PGC: variants seen among roughly 807,000 people sequenced by gnomAD.
PGC encodes progastricsin.
In PGC, 31 loss-of-function variants were observed where a neutral mutation model predicts 45.9. The ratio of observed to expected loss-of-function variants is 0.67; its 90% CI spans 0.51 to 0.91. PGC has a LOEUF of 0.91. Among genes scored for constraint, PGC ranks in the 40% least tolerant of loss-of-function variants. The pLI, the probability that PGC is intolerant of heterozygous loss-of-function variation, is 0.00. For missense variants in PGC, 477 were observed against 493.2 expected (o/e 0.97, Z 0.31); for synonymous variants, 192 against 201.8 (o/e 0.95, Z 0.41).
At chr6:41,743,543 G>A (rs1326647636) in intron 3 of PGC, among the ~76,000 whole-genome samples, 154 bp from the exon 4 acceptor site, 1 of 152,134 alleles carries the variant, frequency 6.6e-6, no homozygotes, top group Non-Finnish European at 1.5e-5. Context: ...GGGTGGCATT[G>A]GAAGGCCCAT....
rs148214858 is a variant in PGC, at chr6:41,742,328, G to A, written c.609C>T (p.Gly203=). Residue 203 remains glycine, a synonymous_variant, in exon 5 of 9, where the codon GGC becomes GGT. Transcript: ENST00000373025. ...TTAMQGMVQE[G]ALTSPVFSVY... ...CGCTGAAGACGGGGCTGGTGAGGGC[G>A]CCCTCCTGCACCATGCCCTGCATAG... 357 of 1,614,054 alleles carry A rather than the reference G, an allele frequency of 2.2e-4. No individual in the cohort carries two copies. The highest frequency in any genetic ancestry group is 2.7e-4 in the Non-Finnish European group (323 of 1,180,016).
intron 1 of PGC, among the ~76,000 whole-genome samples, chr6:41,746,807 C>T (rs1398272093): frequency 6.6e-6 from 1 of 152,244 alleles, no homozygotes; most frequent in Non-Finnish European, 1.5e-5. Context: ...CCAGAGTTTT[C>T]TCCTGACCCC....
At position 41,737,794 on chromosome 6, in the gene PGC, G is replaced by T; in HGVS notation, c.950C>A (p.Pro317His). Residue 317 changes from proline (P) to histidine (H), a missense_variant, in exon 8 of 9, where the codon CCC becomes CAC. Physicochemically the swap from Pro to His is moderately conservative, Grantham distance 77 (BLOSUM62 -2). Transcript: ENST00000373025. ...ACCATTGATGATGAAGGTCAAGCTG[G>T]GCAGATTCTGAATGCTGTTACAGTT... ...LVNCNSIQNLPSLTFIINGVE... is the reference protein window; with the variant it reads ...LVNCNSIQNLHSLTFIINGVE... The T allele has an allele frequency of 6.2e-7, 1 of 1,612,490 alleles. No homozygotes were observed. The highest frequency in any genetic ancestry group is 1.1e-5 in the South Asian group (1 of 91,046).
intron 7 of PGC, among the ~76,000 whole-genome samples, chr6:41,739,172 C>T (rs1192487874): frequency 6.6e-6 from 1 of 152,206 alleles, no homozygotes; most frequent in Non-Finnish European, 1.5e-5. Context: ...TGCTCACATA[C>T]TCAGCCCCAC....
rs202141067 is a variant in PGC, at chr6:41,742,313, G to A, written c.624C>T (p.Pro208=). 1.5e-5 allele frequency: 24 copies of A among 1,613,874 alleles called. No homozygotes were observed. Among genetic ancestry groups the A allele is most frequent in the East Asian group, 6.7e-5 (3 of 44,894 alleles). The change falls in exon 5 of 9, where the codon CCC becomes CCT. Residue 208 remains proline, a synonymous_variant. Coordinates refer to ENST00000373025, the MANE Select transcript of PGC (RefSeq NM_002630.4). ...GMVQEGALTS[P]VFSVYLSNQQ... is the part of the protein sequence containing the mutation. ...ACTTGCTGAGGTAGACGCTGAAGAC[G>A]GGGCTGGTGAGGGCGCCCTCCTGCA... is the stretch of plus-strand genomic sequence containing the variant.
At position 41,736,858 on chromosome 6, in the gene PGC, G is replaced by A. The variant is rs1389999487; in HGVS notation, c.1161C>T (p.Ala387=). 10 of 1,614,130 alleles carry A rather than the reference G, an allele frequency of 6.2e-6. No individual in the cohort carries two copies. Among genetic ancestry groups the A allele is most frequent in the African/African-American group, 4.0e-5 (3 of 75,020 alleles). Residue 387 remains alanine (A), a synonymous_variant, in exon 9 of 9, where the codon GCC becomes GCT. Transcript: ENST00000373025. The part of the protein sequence containing the change: ...LGNNRVGFAT[A]A ...ACGTGTCGAGGCAGCAAGTCTAGGCGGCAGTGGCAAAGCCTACTCTGTTGT... is the reference window on the plus strand; with the variant it reads ...ACGTGTCGAGGCAGCAAGTCTAGGCAGCAGTGGCAAAGCCTACTCTGTTGT...
intron 7 of PGC, among the ~76,000 whole-genome samples, chr6:41,738,205 T>TATATATGCATATATATACATATATATAC (rs1561879852): frequency 2.1e-4 from 13 of 63,360 alleles, no homozygotes; most frequent in Non-Finnish European, 2.7e-4. Context: ...TATATATGCA[T>TATATATGCATATATATACATATATATAC]ATATATATGC....
Position 41,744,292 on chromosome 6 carries a change from T to G in PGC, c.328+105A>C, listed in dbSNP as rs938933646. ...ACATGTCCCTGGTCCTCCCCAGGAC[T>G]GAGCTCCCCTCAGTCCTGAGCTCCC... On this transcript the variant is annotated intron_variant, in intron 3 of 8. Transcript: ENST00000373025. This position sits in a 1 kb window ranked among gnomAD's most constrained non-coding sequence, Gnocchi z 4.4. The G allele has an allele frequency of 3.6e-5, 26 of 732,246 alleles. No homozygotes were observed. Among genetic ancestry groups the G allele is most frequent in the Admixed American group, 1.1e-4 (5 of 43,506 alleles). 45.4% of individuals were successfully genotyped at this position (732,246 alleles called of 1,614,324 possible). A position where few individuals can be genotyped will look rare whatever the true frequency, so the allele number is the denominator to read the frequency against.
At chr6:41,743,037 T>C (rs540386064) in intron 4 of PGC, among the ~76,000 whole-genome samples, 1 of 152,330 alleles carries the variant, frequency 6.6e-6, no homozygotes, top group South Asian at 2.1e-4. Context: ...CCAGGCCTTA[T>C]GCTTCTTAAG....
Position 41,740,819 on chromosome 6 carries a change from C to G in PGC, c.648-209G>C, listed in dbSNP as rs190483420. 420 of 1,429,560 alleles carry G rather than the reference C, an allele frequency of 2.9e-4. 1 individual carries two copies. In the African/African-American group the frequency reaches 3.4e-3, roughly 12 times the overall value. 88.6% of individuals were successfully genotyped at this position (1,429,560 alleles called of 1,614,324 possible). ...GAGCTCCCTGAGGATGGGGCTGTGT[C>G]CCTTAGACTGGGCCTCCCTGAGGAC... On this transcript the variant is annotated intron_variant, in intron 5 of 8. Transcript: ENST00000373025.
chr6:41,736,818 G>T lies in PGC; in HGVS notation c.*34C>A. 1 of 1,612,762 alleles carries T rather than the reference G, an allele frequency of 6.2e-7. No individual in the cohort carries two copies. The highest frequency in any genetic ancestry group is 8.5e-7 in the Non-Finnish European group (1 of 1,178,858). On this transcript the variant is annotated 3_prime_UTR_variant, in exon 9 of 9. Coordinates refer to ENST00000373025, the MANE Select transcript of PGC (RefSeq NM_002630.4). ...GCCCTAGGAGGGTGCAGGGTCAAGA[G>T]GAAGAGGGGAGCCCACGTGTCGAGG...
At chr6:41,741,803 G>C in intron 5 of PGC, 1 of 1,536,350 alleles carries the variant, frequency 6.5e-7, no homozygotes, top group Non-Finnish European at 8.7e-7. Flanking sequence ...AACCTGCTAG[G>C]GGTCAGCAGT....
chr6:41,738,535 G>A (rs1771759582), intron 7 of PGC, among the ~76,000 whole-genome samples: 1 of 151,450 alleles, frequency 6.6e-6, no homozygotes, highest in Non-Finnish European at 1.5e-5. Context: ...GGCTGAGGTG[G>A]GAGGATTGCT....
chr6:41,745,749 A>G (rs1006015589), intron 1 of PGC, among the ~76,000 whole-genome samples: 11 of 150,328 alleles, frequency 7.3e-5, no homozygotes, highest in African/African-American at 7.4e-5. Context: ...GGGTTTCTCT[A>G]TGTTGGTCAG....
chr6:41,744,718 A>G lies in PGC; in HGVS notation c.150T>C (p.Pro50=), dbSNP rs771136173. 3.1e-6 allele frequency: 5 copies of G among 1,614,164 alleles called. No homozygotes were observed. The part of the protein sequence containing the change: ...GEFLRTHKYD[P]AWKYRFGDLS... ...GGTCACCAAAGCGGTACTTCCAAGCAGGATCATACTTGTGGGTCCTCAGGA... is the reference window on the plus strand; with the variant it reads ...GGTCACCAAAGCGGTACTTCCAAGCGGGATCATACTTGTGGGTCCTCAGGA... Residue 50 remains proline (P), a synonymous_variant, in exon 2 of 9, where the codon CCT becomes CCC. Coordinates refer to ENST00000373025, the MANE Select transcript of PGC (RefSeq NM_002630.4). This position sits in a 1 kb window ranked among gnomAD's most constrained non-coding sequence, Gnocchi z 4.4.
rs373107102 is a variant in PGC, at chr6:41,740,023, G to A, written c.768-77C>T. Reference sequence around the variant, plus strand: ...TGGGGCGGGCTTTCCCCACCACTGTGGGACAAAGAGCTACAGCTACTTTCT... The same window carrying A: ...TGGGGCGGGCTTTCCCCACCACTGTAGGACAAAGAGCTACAGCTACTTTCT... On this transcript the variant is annotated intron_variant, in intron 6 of 8. Transcript: ENST00000373025. 4.6e-6 allele frequency: 6 copies of A among 1,307,988 alleles called. No individual in the cohort carries two copies. The South Asian group carries it at 8.1e-5, about 18-fold the overall frequency. 81.0% of individuals were successfully genotyped at this position (1,307,988 alleles called of 1,614,324 possible). A position where few individuals can be genotyped will look rare whatever the true frequency, so the allele number is the denominator to read the frequency against.
chr6:41,738,177 TAC>T lies in PGC; in HGVS notation c.916-351_916-350del, dbSNP rs1771735915. On this transcript the variant is annotated intron_variant, in intron 7 of 8. Coordinates refer to ENST00000373025, the MANE Select transcript of PGC (RefSeq NM_002630.4). ...ATATACATATATATGCATATATATA[TAC>T]ATATATATATGCATATATATATGCA... is the stretch of plus-strand genomic sequence containing the variant. Among the ~76,000 whole-genome samples the T allele has an allele frequency of 1.5e-4, 5 of 32,742 alleles. No homozygotes were observed. In the South Asian group the frequency reaches 3.2e-3, roughly 21 times the overall value. The allele number at this position is 32,742 out of a possible 152,430, so 21.5% of individuals were successfully genotyped here. A position where few individuals can be genotyped will look rare whatever the true frequency, so the allele number is the denominator to read the frequency against.
intron 6 of PGC, 31 bp downstream of exon 6, chr6:41,740,460 C>T: frequency 6.3e-7 from 1 of 1,585,624 alleles, no homozygotes; most frequent in Non-Finnish European, 8.6e-7. Context: ...CAAGGAAGTG[C>T]CACATCCCCA....
At position 41,743,251 on chromosome 6, in the gene PGC, CA is replaced by C; in HGVS notation, c.447+19del. On this transcript the variant is annotated intron_variant, in intron 4 of 8. Coordinates refer to ENST00000373025, the MANE Select transcript of PGC (RefSeq NM_002630.4). ...GCTTATAGCTCACAGCCCCAGCCTCCACTCCCCATGCCCACTCACAGTCAGG... is the reference window on the plus strand; with the variant it reads ...GCTTATAGCTCACAGCCCCAGCCTCCCTCCCCATGCCCACTCACAGTCAGG... 1.4e-6 allele frequency: 2 copies of C among 1,432,610 alleles called. No homozygotes were observed. The highest frequency in any genetic ancestry group is 2.0e-6 in the Non-Finnish European group (2 of 1,014,132). 88.7% of individuals were successfully genotyped at this position (1,432,610 alleles called of 1,614,324 possible). A position where few individuals can be genotyped will look rare whatever the true frequency, so the allele number is the denominator to read the frequency against.
Sources: allele counts gnomAD v4.1 joint callset (sites outside exome capture counted in the v4.1 genomes callset), GRCh38; gene constraint gnomAD v4.1.1; non-coding constraint Gnocchi (gnomAD v3.1); transcripts MANE v1.5; gene names NCBI Gene and HGNC (gene_info 2026-07-23, HGNC 2026-07-21).